Variants in SLC16A10 observed in about 807,000 individuals in gnomAD.
The protein encoded by SLC16A10 is monocarboxylate transporter 10.
Under a neutral mutation model 40.0 loss-of-function variants are expected in SLC16A10, and 27 were observed. The ratio of observed to expected loss-of-function variants is 0.67; its 90% CI spans 0.50 to 0.93. SLC16A10 has a LOEUF of 0.93. Among genes scored for constraint, SLC16A10 ranks in the 40% least tolerant of loss-of-function variants. The pLI is 0.00. For synonymous variants in SLC16A10, 213 were observed against 249.8 expected (o/e 0.85, Z 1.39); for missense variants, 529 against 658.2 (o/e 0.80, Z 2.15).
At chr6:111,133,188 G>A (rs1401040011) in intron 1 of SLC16A10, among the ~76,000 whole-genome samples, 1 of 152,120 alleles carries the variant, frequency 6.6e-6, no homozygotes, top group African/African-American at 2.4e-5. Flanking sequence ...TTGTGGTCAA[G>A]AAAGGCAGGA....
chr6:111,217,557 C>T (rs573736785), intron 4 of SLC16A10, among the ~76,000 whole-genome samples: 5 of 152,202 alleles, frequency 3.3e-5, no homozygotes, highest in Admixed American at 6.5e-5. Context: ...TCACGCCATT[C>T]TCCTGCCTTA....
In SLC16A10 at chr6:111,226,526, T is replaced by C. The variant is rs1406651173; in HGVS notation, c.*4291T>C. ...GTCTCTAACACTGAAAAAAAGGTCA[T>C]TGTTGCTGGTATAAACATTAAGGAG... On this transcript the variant is annotated 3_prime_UTR_variant, in exon 6 of 6. Coordinates refer to ENST00000368851, the MANE Select transcript of SLC16A10 (RefSeq NM_018593.5). The C allele has an allele frequency of 4.6e-5, 7 of 152,244 alleles. No individual in the cohort carries two copies. The highest frequency in any genetic ancestry group is 4.1e-4 in the South Asian group (2 of 4,832). 9.4% of individuals were successfully genotyped at this position (152,244 alleles called of 1,614,324 possible).
intron 1 of SLC16A10, among the ~76,000 whole-genome samples, chr6:111,170,473 C>T (rs1188781981): frequency 3.9e-5 from 6 of 152,154 alleles, no homozygotes; most frequent in African/African-American, 7.2e-5. Flanking sequence ...TTTGAGAAAG[C>T]GTCTCGCTCA....
intron 1 of SLC16A10, among the ~76,000 whole-genome samples, chr6:111,149,855 G>A (rs1462133636): frequency 6.6e-6 from 1 of 152,026 alleles, no homozygotes; most frequent in East Asian, 1.9e-4. Context: ...AAAATTTTTG[G>A]TTAAATCAAT....
intron 1 of SLC16A10, among the ~76,000 whole-genome samples, chr6:111,092,180 C>A (rs1461440199): frequency 6.6e-6 from 1 of 152,020 alleles, no homozygotes; most frequent in Non-Finnish European, 1.5e-5. Flanking sequence ...GCAGTAGAAC[C>A]AATGAAAAAT....
At chr6:111,088,156 C>T in intron 1 of SLC16A10, 61 bp downstream of exon 1, 1 of 1,521,936 alleles carries the variant, frequency 6.6e-7, no homozygotes, top group Non-Finnish European at 8.9e-7. Context: ...CCGAGCGCAT[C>T]CCGCGTGTGG....
At chr6:111,207,788 A>C (rs940063764) in intron 4 of SLC16A10, among the ~76,000 whole-genome samples, 1 of 152,148 alleles carries the variant, frequency 6.6e-6, no homozygotes, top group Non-Finnish European at 1.5e-5. Flanking sequence ...ATGGGATGTT[A>C]TATCTGGGAA....
At chr6:111,131,012 G>A (rs1771771553) in intron 1 of SLC16A10, among the ~76,000 whole-genome samples, 2 of 152,238 alleles carry the variant, frequency 1.3e-5, no homozygotes, top group South Asian at 4.1e-4. Flanking sequence ...AACAGTGACT[G>A]ACTTGGGCTA....
At chr6:111,153,963 G>A (rs983121471) in intron 1 of SLC16A10, among the ~76,000 whole-genome samples, 1 of 152,164 alleles carries the variant, frequency 6.6e-6, no homozygotes, top group Middle Eastern at 3.2e-3. Context: ...GGGGAAAAGA[G>A]GTGTACAGAA....
At chr6:111,105,648 A>G (rs1771272193) in intron 1 of SLC16A10, among the ~76,000 whole-genome samples, 1 of 152,170 alleles carries the variant, frequency 6.6e-6, no homozygotes, top group Admixed American at 6.5e-5. Flanking sequence ...GAGCAGTGAG[A>G]CTCAAGAGAG....
chr6:111,115,807 C>CT lies in SLC16A10; in HGVS notation c.343+27715dup, dbSNP rs1361850588. ...CTAACAAACTTTTTTTTTTTAACCCCTTTACTGAAACCTAAAAAGAGGTCT... is the reference window on the plus strand; with the variant it reads ...CTAACAAACTTTTTTTTTTTAACCCCTTTTACTGAAACCTAAAAAGAGGTCT... On this transcript the variant is annotated intron_variant, in intron 1 of 5. Transcript: ENST00000368851. Among the ~76,000 whole-genome samples, 3 of 151,770 alleles carry CT rather than the reference C, an allele frequency of 2.0e-5. No homozygotes were observed. The East Asian group carries it at 5.8e-4, about 29-fold the overall frequency.
intron 1 of SLC16A10, among the ~76,000 whole-genome samples, chr6:111,114,712 A>C (rs1337899168): frequency 6.6e-6 from 1 of 152,186 alleles, no homozygotes; most frequent in Non-Finnish European, 1.5e-5. Flanking sequence ...GGGGGAGGCC[A>C]GAGGAGGGGC....
At chr6:111,171,268 C>CCAT (rs1403360006) in intron 1 of SLC16A10, among the ~76,000 whole-genome samples, 3 of 152,216 alleles carry the variant, frequency 2.0e-5, no homozygotes, top group Admixed American at 2.0e-4. Flanking sequence ...CCTGTCACCA[C>CCAT]CATCTAAGTC....
rs530462204 is a variant in SLC16A10, at chr6:111,154,872, A to G, written c.344-17823A>G. On this transcript the variant is annotated intron_variant, in intron 1 of 5. Transcript: ENST00000368851. ...AACCCTGTCTTTACTAAAAATACAA[A>G]AATTAGCTGGGCGTGGTGGCAGTGC... Among the ~76,000 whole-genome samples, 4 of 152,120 alleles carry G rather than the reference A, an allele frequency of 2.6e-5. 1 individual carries two copies. In the South Asian group the frequency reaches 8.3e-4, roughly 32 times the overall value.
chr6:111,113,590 T>C (rs1562401090), intron 1 of SLC16A10, among the ~76,000 whole-genome samples: 1 of 152,230 alleles, frequency 6.6e-6, no homozygotes, highest in Admixed American at 6.5e-5. Context: ...ACTGAGTGGT[T>C]ACTTTGGCTT....
intron 1 of SLC16A10, among the ~76,000 whole-genome samples, chr6:111,152,737 G>A (rs1026256675): frequency 1.2e-4 from 19 of 152,166 alleles, no homozygotes; most frequent in African/African-American, 4.1e-4. Flanking sequence ...ATTGTGGACC[G>A]AGGGGATAGA....
chr6:111,121,634 T>A (rs1347258931), intron 1 of SLC16A10, among the ~76,000 whole-genome samples: 1 of 152,182 alleles, frequency 6.6e-6, no homozygotes, highest in Non-Finnish European at 1.5e-5. Flanking sequence ...TTCTTCTATT[T>A]CCATTACAGC....
chr6:111,104,573 AAG>A (rs1179010827), intron 1 of SLC16A10, among the ~76,000 whole-genome samples: 1 of 152,162 alleles, frequency 6.6e-6, no homozygotes, highest in Non-Finnish European at 1.5e-5. Context: ...CATGAGGAGA[AAG>A]AGTTGCCAGG....
chr6:111,120,893 C>T (rs1009528469), intron 1 of SLC16A10, among the ~76,000 whole-genome samples: 5 of 151,972 alleles, frequency 3.3e-5, no homozygotes, highest in African/African-American at 9.7e-5. Context: ...TTAGTACTAA[C>T]GGTATAAACT....
Sources: allele counts gnomAD v4.1 joint callset (sites outside exome capture counted in the v4.1 genomes callset), GRCh38; gene constraint gnomAD v4.1.1; transcripts MANE v1.5; gene names NCBI Gene and HGNC (gene_info 2026-07-23, HGNC 2026-07-21).